CREBRF: variants seen among roughly 807,000 people sequenced by gnomAD.
CREBRF encodes the protein CREB3 regulatory factor, also known as UPF0474 protein C5orf41.
Under a neutral mutation model 66.1 loss-of-function variants are expected in CREBRF, and 5 were observed. That is an observed-to-expected ratio of 0.08 (90% CI 0.04 to 0.16). CREBRF has a LOEUF of 0.16. Among genes scored for constraint, CREBRF ranks in the 10% least tolerant of loss-of-function variants. The pLI is 1.00. For missense variants in CREBRF, 531 were observed against 744.9 expected, an observed-to-expected ratio of 0.71 and a Z score of 3.34; for synonymous variants, 229 against 264.4, an observed-to-expected ratio of 0.87 and a Z score of 1.30.
chr5:173,122,573 TTA>T (rs1759164230), intron 7 of CREBRF, among the ~76,000 whole-genome samples: 1 of 47,250 alleles, frequency 2.1e-5, no homozygotes, highest in Admixed American at 1.9e-4. Context: ...ATTTCTTTTA[TTA>T]TTATTATTAT....
At chr5:173,081,385 A>G (rs1042809356) in intron 2 of CREBRF, among the ~76,000 whole-genome samples, 3 of 152,130 alleles carry the variant, frequency 2.0e-5, no homozygotes, top group African/African-American at 7.2e-5. Context: ...GTTAGTCCCC[A>G]TTCTGCTTAT....
chr5:173,101,708 C>A (rs565249593), intron 4 of CREBRF, among the ~76,000 whole-genome samples: 2 of 152,124 alleles, frequency 1.3e-5, no homozygotes, highest in East Asian at 1.9e-4. Context: ...ACCCACCATA[C>A]CTAGCTAATT....
chr5:173,129,741 C>A (rs1338627485), intron 8 of CREBRF, among the ~76,000 whole-genome samples: 48 of 148,496 alleles, frequency 3.2e-4, no homozygotes, highest in Non-Finnish European at 5.5e-4. Flanking sequence ...AAAAAAAATA[C>A]ACACACACAA....
At chr5:173,123,307 C>T (rs996892856) in intron 8 of CREBRF, 105 bp downstream of exon 8, 7 of 1,088,436 alleles carry the variant, frequency 6.4e-6, no homozygotes, top group South Asian at 1.6e-5. Context: ...AACTCAAGTG[C>T]TCTCATTGTA....
Position 173,108,654 on chromosome 5 carries a change from A to G in CREBRF, c.1253A>G (p.Lys418Arg), listed in dbSNP as rs1195715847. ...GYENDSVEDL[K>R]EVTSISSRKR... ...GAAAATGATTCTGTAGAAGACCTGA[A>G]GGAGGTGACTTCAATATCTTCACGG... is the stretch of plus-strand genomic sequence containing the variant. The change falls in exon 5 of 9, where the codon AAG becomes AGG. Residue 418 changes from lysine to arginine, a missense_variant. Physicochemically the swap from Lys to Arg is conservative, Grantham distance 26. This residue lies in a region of CREBRF where 309 missense variants were observed against 341.4 expected (regional missense o/e 0.90). Coordinates refer to ENST00000296953, the MANE Select transcript of CREBRF (RefSeq NM_153607.3). 6.2e-7 allele frequency: 1 copy of G among 1,613,016 alleles called. No homozygotes were observed. The highest frequency in any genetic ancestry group is 8.5e-7 in the Non-Finnish European group (1 of 1,179,748).
chr5:173,064,614 G>T (rs953253592), intron 1 of CREBRF, among the ~76,000 whole-genome samples: 2 of 150,388 alleles, frequency 1.3e-5, no homozygotes, highest in African/African-American at 4.9e-5. Flanking sequence ...CGCCCAGGCG[G>T]AGTGCAATGG....
At chr5:173,123,338 G>A in intron 8 of CREBRF, 136 bp downstream of exon 8, 1 of 734,382 alleles carries the variant, frequency 1.4e-6, no homozygotes, top group East Asian at 3.4e-5. Context: ...TTTATGAGTA[G>A]TTTTATCTTT....
chr5:173,132,706 T>C (rs901417642), intron 8 of CREBRF, among the ~76,000 whole-genome samples: 7 of 147,318 alleles, frequency 4.8e-5, no homozygotes, highest in Admixed American at 2.1e-4. Flanking sequence ...TTCAAGCAGT[T>C]CTCCTGCGTC....
At chr5:173,108,312 G>A (rs1194993556) in intron 4 of CREBRF, among the ~76,000 whole-genome samples, 1 of 152,062 alleles carries the variant, frequency 6.6e-6, no homozygotes, top group Non-Finnish European at 1.5e-5. Context: ...TAGCTGTCCT[G>A]TAATTGTTCT....
At chr5:173,108,555 T>A in intron 4 of CREBRF, 69 bp from the exon 5 acceptor site, 1 of 1,282,818 alleles carries the variant, frequency 7.8e-7, no homozygotes, top group Admixed American at 2.2e-5. Flanking sequence ...ATAGAAGGGG[T>A]CTTTTCATTT....
chr5:173,115,541 G>A (rs1039789325), intron 7 of CREBRF, among the ~76,000 whole-genome samples: 1 of 152,226 alleles, frequency 6.6e-6, no homozygotes, highest in Admixed American at 6.5e-5. Context: ...TATTCATGGA[G>A]AAGAAACATA....
At chr5:173,061,313 A>C (rs1554122158) in intron 1 of CREBRF, among the ~76,000 whole-genome samples, 1 of 152,210 alleles carries the variant, frequency 6.6e-6, no homozygotes, top group Non-Finnish European at 1.5e-5. Flanking sequence ...TTCAGAATAT[A>C]CAAATAGACA....
Position 173,059,256 on chromosome 5 carries a change from C to CTTTTTTTT in CREBRF, c.-192+2778_-192+2785dup, listed in dbSNP as rs780723745. Among the ~76,000 whole-genome samples the CTTTTTTTT allele has an allele frequency of 8.3e-4, 98 of 117,654 alleles. 12 individuals carry two copies. Among genetic ancestry groups the CTTTTTTTT allele is most frequent in the African/African-American group, 1.7e-3 (52 of 31,348 alleles). The allele number at this position is 117,654 out of a possible 152,430, so 77.2% of individuals were successfully genotyped here. ...AGCTTATTTATCAGTTCTTCTTTTT[C>CTTTTTTTT]TTTTTTTTCTTTTTTTTTTTTTTTT... On this transcript the variant is annotated intron_variant, in intron 1 of 8. Coordinates refer to ENST00000296953, the MANE Select transcript of CREBRF (RefSeq NM_153607.3).
intron 8 of CREBRF, among the ~76,000 whole-genome samples, chr5:173,128,817 G>A (rs1463022675): frequency 2.7e-5 from 4 of 150,770 alleles, no homozygotes; most frequent in Non-Finnish European, 3.0e-5. Context: ...GTCTCGCTCT[G>A]TACCCCAGGC....
At chr5:173,060,147 T>C (rs1045935509) in intron 1 of CREBRF, 9 of 151,970 alleles carry the variant, frequency 5.9e-5, no homozygotes, top group Admixed American at 4.6e-4. Flanking sequence ...TAAAGAGAAC[T>C]GAAATCACTG....
chr5:173,118,845 C>A (rs1759069699), intron 7 of CREBRF, among the ~76,000 whole-genome samples: 1 of 151,032 alleles, frequency 6.6e-6, no homozygotes, highest in South Asian at 2.1e-4. Context: ...TCAAGACCAA[C>A]CTGGCCAACA....
At chr5:173,084,686 G>A (rs28716793) in intron 2 of CREBRF, among the ~76,000 whole-genome samples, 9,388 of 152,144 alleles carry the variant, frequency 0.062, 345 homozygotes, top group Middle Eastern at 0.17. Flanking sequence ...CAGTTGCCCA[G>A]GCTGGAGTGC....
At chr5:173,077,094 C>A (rs902221072) in intron 1 of CREBRF, among the ~76,000 whole-genome samples, 2 of 151,672 alleles carry the variant, frequency 1.3e-5, no homozygotes, top group Admixed American at 6.6e-5. Context: ...CAGGCGCCCG[C>A]CACCATGTCC....
At chr5:173,058,675 C>T (rs375363405) in intron 1 of CREBRF, among the ~76,000 whole-genome samples, 19 of 149,620 alleles carry the variant, frequency 1.3e-4, no homozygotes, top group African/African-American at 4.2e-4. Flanking sequence ...TTAGTAGAGA[C>T]GGGGTTTCAC....
Sources: allele counts gnomAD v4.1 joint callset (sites outside exome capture counted in the v4.1 genomes callset), GRCh38; gene constraint gnomAD v4.1.1; regional missense constraint gnomAD v4.1.1; transcripts MANE v1.5; gene names NCBI Gene and HGNC (gene_info 2026-07-23, HGNC 2026-07-21).